The following FAM53A variants were observed in gnomAD, a reference collection of about 807,000 sequenced individuals.
FAM53A encodes the protein family with sequence similarity 53 member A.
In FAM53A, 28 loss-of-function variants were observed where a neutral mutation model predicts 26.6. That is an observed-to-expected ratio of 1.05 (90% CI 0.78 to 1.45). The LOEUF (loss-of-function observed/expected upper bound fraction) is 1.45. Among genes scored for constraint, FAM53A ranks in the 40% most tolerant of loss-of-function variants. The probability of loss-of-function intolerance (pLI) is 0.00; values close to 1 mark genes in which losing one functional copy is unlikely to be tolerated. For missense variants in FAM53A, 650 were observed against 575.8 expected (o/e 1.13, Z -1.32); for synonymous variants, 290 against 253.1 (o/e 1.15, Z -1.38).
intron 1 of FAM53A, among the ~76,000 whole-genome samples, chr4:1,670,336 G>A (rs1362134044): frequency 6.6e-6 from 1 of 152,218 alleles, no homozygotes; most frequent in Non-Finnish European, 1.5e-5. Flanking sequence ...CCTGAATGAG[G>A]GCCAGGGCAA....
At chr4:1,603,061 T>C in the FAM53A span, among the ~76,000 whole-genome samples, 1 of 152,144 alleles carries the variant, frequency 6.6e-6, no homozygotes, top group Non-Finnish European at 1.5e-5. Context: ...GTTCAGAGGT[T>C]GCGTCCTCTC....
chr4:1,654,011 C>G (rs1285863232), intron 4 of FAM53A, among the ~76,000 whole-genome samples: 1 of 152,176 alleles, frequency 6.6e-6, no homozygotes, highest in African/African-American at 2.4e-5. Context: ...AGGGCATGGG[C>G]AAGCCTGTGG....
At chr4:1,626,545 C>T (rs935568131) in intron 1 of FAM53A, among the ~76,000 whole-genome samples, 11 of 149,560 alleles carry the variant, frequency 7.4e-5, no homozygotes, top group Admixed American at 2.7e-4. Context: ...CACAGCCATG[C>T]CCTGAGCCCG....
rs1455532467 is a variant in FAM53A, at chr4:1,674,866, C to A, written c.-164-5961G>T. On this transcript the variant is annotated intron_variant, in intron 1 of 4. Transcript: ENST00000308132. ...ACCAGTCACGAGGCATGATGGACAG[C>A]AAGTCCCTCCCCCTTGGCAGTTCTG... Among the ~76,000 whole-genome samples the A allele has an allele frequency of 2.0e-5, 3 of 152,152 alleles. No homozygotes were observed. The East Asian group carries it at 5.8e-4, about 29-fold the overall frequency.
intron 1 of FAM53A, among the ~76,000 whole-genome samples, chr4:1,633,566 C>T (rs895446803): frequency 1.3e-5 from 2 of 151,838 alleles, no homozygotes; most frequent in East Asian, 1.9e-4. Flanking sequence ...GCAGGAGAGG[C>T]GGGAATGAAG....
intron 4 of FAM53A, chr4:1,644,077 C>T (rs1712008069): frequency 2.8e-6 from 4 of 1,409,096 alleles, no homozygotes; most frequent in South Asian, 1.4e-5. Flanking sequence ...TCTGGTGTCA[C>T]CCGTGACCTT....
chr4:1,577,590 T>C, the FAM53A span, among the ~76,000 whole-genome samples: 2 of 152,340 alleles, frequency 1.3e-5, no homozygotes, highest in Admixed American at 1.3e-4. Flanking sequence ...ATTTTTTTAA[T>C]TACCAGCCCT....
chr4:1,580,533 G>A, the FAM53A span, among the ~76,000 whole-genome samples: 1 of 15,724 alleles, frequency 6.4e-5, no homozygotes, highest in Non-Finnish European at 1.2e-4. Flanking sequence ...CCCGGACCCC[G>A]CCTCCACTCA....
intron 4 of FAM53A, chr4:1,644,627 G>A: frequency 4.8e-6 from 2 of 416,610 alleles, no homozygotes; most frequent in Non-Finnish European, 8.6e-6. Flanking sequence ...CACTCTGGTT[G>A]GATGGTCACT....
rs199881502 is a variant in FAM53A, at chr4:1,655,718, T to G, written c.142A>C (p.Ser48Arg). 6.4e-7 allele frequency: 1 copy of G among 1,561,468 alleles called. No individual in the cohort carries two copies. Among genetic ancestry groups the G allele is most frequent in the East Asian group, 2.3e-5 (1 of 42,902 alleles). Residue 48 changes from serine to arginine, a missense_variant, in exon 4 of 5, where the codon AGT (serine) becomes CGT (arginine). Coordinates refer to ENST00000308132, the MANE Select transcript of FAM53A (RefSeq NM_001174070.3). Reference protein sequence around the residue: ...RLFPLELNDQSPWKVFSGGPP... With the variant: ...RLFPLELNDQRPWKVFSGGPP... ...CCTCCACTGAAGACCTTCCAGGGAC[T>G]CTGGTCTACAAAAAAAGACACAAAG...
chr4:1,602,983 A>C, the FAM53A span, among the ~76,000 whole-genome samples: 1 of 152,104 alleles, frequency 6.6e-6, no homozygotes, highest in Non-Finnish European at 1.5e-5. Flanking sequence ...CCTGTCCTCC[A>C]TCCTCTCCCA....
At chr4:1,618,609 T>C (rs1291764245) in intron 1 of FAM53A, among the ~76,000 whole-genome samples, 2 of 152,124 alleles carry the variant, frequency 1.3e-5, no homozygotes, top group Admixed American at 6.5e-5. Flanking sequence ...TTTGGCAGCC[T>C]GAGGGGTGGA....
At chr4:1,604,384 C>A in the FAM53A span, among the ~76,000 whole-genome samples, 1 of 152,110 alleles carries the variant, frequency 6.6e-6, no homozygotes, top group Non-Finnish European at 1.5e-5. Flanking sequence ...TGTTTGAGGG[C>A]GCAGACCTGG....
chr4:1,582,995 G>A, the FAM53A span, among the ~76,000 whole-genome samples: 4 of 152,244 alleles, frequency 2.6e-5, no homozygotes, highest in African/African-American at 9.6e-5. Context: ...TTGGTCATGA[G>A]AATTAACATC....
At chr4:1,618,039 C>T (rs1381892076) in exon 2 of FAM53A, 1 of 456,324 alleles carries the variant, frequency 2.2e-6, no homozygotes, top group East Asian at 6.9e-5. Flanking sequence ...CTGTCAGATG[C>T]CGTGAAGATG....
At chr4:1,602,680 G>T in the FAM53A span, among the ~76,000 whole-genome samples, 8 of 152,142 alleles carry the variant, frequency 5.3e-5, no homozygotes, top group African/African-American at 9.7e-5. Context: ...CCCCCTCCCC[G>T]CCAGGCAGGA....
rs1713695845 is a variant in FAM53A, at chr4:1,659,816, G to A, written c.76-2348C>T. Among the ~76,000 whole-genome samples, 1 of 152,198 alleles carries A rather than the reference G, an allele frequency of 6.6e-6. No individual in the cohort carries two copies. The highest frequency in any genetic ancestry group is 2.4e-5 in the African/African-American group (1 of 41,448). On this transcript the variant is annotated intron_variant, in intron 2 of 4. Transcript: ENST00000308132. The surrounding 1 kb of genome is among the most constrained non-coding windows in gnomAD (Gnocchi z 5.2). ...GGTTGTATCTATGCATGGTCGAAGG[G>A]GCTGGCTTCCTCTCTGATGCCTCTC...
At chr4:1,633,367 C>T (rs888468943) in intron 1 of FAM53A, among the ~76,000 whole-genome samples, 3 of 152,152 alleles carry the variant, frequency 2.0e-5, no homozygotes, top group African/African-American at 7.2e-5. Flanking sequence ...AAATAAAATT[C>T]GCCTCAAGAG....
At chr4:1,590,959 T>TATACATATATAC in the FAM53A span, among the ~76,000 whole-genome samples, 1 of 62,308 alleles carries the variant, frequency 1.6e-5, no homozygotes, top group African/African-American at 1.0e-4. Context: ...TTAATGCATA[T>TATACATATATAC]ATATATATAT....
Sources: gnomAD v4.1 joint callset for allele counts (sites outside exome capture counted in the v4.1 genomes callset) on GRCh38, gnomAD v4.1.1 for gene constraint, Gnocchi (gnomAD v3.1) non-coding constraint, MANE v1.5 for transcripts, NCBI Gene and HGNC (gene_info 2026-07-23, HGNC 2026-07-21) for gene names.